NRXN1: variants seen among roughly 807,000 people sequenced by gnomAD.
NRXN1 encodes neurexin 1.
Under a neutral mutation model 150.9 loss-of-function variants are expected in NRXN1, and 39 were observed. The observed-to-expected ratio is 0.26, with a 90% CI of 0.20 to 0.34. The LOEUF (loss-of-function observed/expected upper bound fraction) is 0.34. Ranked by LOEUF, NRXN1 falls within the 10% of genes least tolerant of loss-of-function variation. NRXN1 has a pLI of 1.00. For missense variants in NRXN1, 1,815 were observed against 1,949.9 expected (o/e 0.93, Z 1.30); for synonymous variants, 924 against 757.0 (o/e 1.22, Z -3.62).
intron 17 of NRXN1, among the ~76,000 whole-genome samples, chr2:50,354,468 A>G (rs2078640973): frequency 6.6e-6 from 1 of 150,778 alleles, no homozygotes; most frequent in Admixed American, 6.7e-5. Context: ...ATGAGTCGAC[A>G]AATTTAAAGC....
chr2:50,130,181 A>C (rs1176274437), intron 18 of NRXN1, among the ~76,000 whole-genome samples: 1 of 152,082 alleles, frequency 6.6e-6, no homozygotes, highest in African/African-American at 2.4e-5. Flanking sequence ...TGCAGGAGTA[A>C]AGATTTCTAT....
At chr2:50,136,231 G>A (rs1015887528) in intron 18 of NRXN1, among the ~76,000 whole-genome samples, 1 of 152,082 alleles carries the variant, frequency 6.6e-6, no homozygotes, top group African/African-American at 2.4e-5. Flanking sequence ...AAGTAGTTGA[G>A]CAAGCCTGAC....
At chr2:49,968,052 T>C (rs149319857) in intron 21 of NRXN1, among the ~76,000 whole-genome samples, 1 of 152,026 alleles carries the variant, frequency 6.6e-6, no homozygotes, top group East Asian at 1.9e-4. Flanking sequence ...ATAATTATTA[T>C]TACTTATTCA....
chr2:50,327,250 T>C (rs2076445090), intron 17 of NRXN1, among the ~76,000 whole-genome samples: 1 of 152,108 alleles, frequency 6.6e-6, no homozygotes, highest in Non-Finnish European at 1.5e-5. Flanking sequence ...ATGGATAAAT[T>C]TCAAAAATAT....
At chr2:50,931,138 T>C (rs1345732603) in intron 2 of NRXN1, among the ~76,000 whole-genome samples, 3 of 152,172 alleles carry the variant, frequency 2.0e-5, no homozygotes, top group Non-Finnish European at 2.9e-5. Context: ...ATCATTAAGA[T>C]GAAAAGTAGG....
intron 21 of NRXN1, among the ~76,000 whole-genome samples, chr2:50,005,679 A>T (rs1684646285): frequency 6.6e-6 from 1 of 152,150 alleles, no homozygotes; most frequent in Non-Finnish European, 1.5e-5. Context: ...GAATTAGTCT[A>T]ACCTCTTTTA....
intron 15 of NRXN1, among the ~76,000 whole-genome samples, chr2:50,491,204 G>A (rs1302742728): frequency 1.3e-5 from 2 of 152,102 alleles, no homozygotes; most frequent in African/African-American, 2.4e-5. Context: ...AATAGAATCT[G>A]GTTTACTGAA....
chr2:50,489,302 T>G (rs867640805), intron 15 of NRXN1, among the ~76,000 whole-genome samples: 2 of 152,274 alleles, frequency 1.3e-5, no homozygotes. Context: ...GGTTGGGATC[T>G]TTAAAGTTTC....
intron 5 of NRXN1, among the ~76,000 whole-genome samples, chr2:50,893,629 C>T (rs1424051583): frequency 6.6e-6 from 1 of 152,050 alleles, no homozygotes; most frequent in Non-Finnish European, 1.5e-5. Context: ...TTTATTGAAT[C>T]CAGAAGTTCT....
chr2:50,465,220 C>T lies in NRXN1; in HGVS notation c.3364+222G>A, dbSNP rs1879318. 0.87 allele frequency among the ~76,000 whole-genome samples: 131,808 copies of T among 151,826 alleles called. 57,681 individuals are homozygous for T. Among genetic ancestry groups the T allele is most frequent in the Non-Finnish European group, 0.94 (63,681 of 67,858 alleles). On this transcript the variant is annotated intron_variant, in intron 17 of 22. Coordinates refer to ENST00000401669, the MANE Select transcript of NRXN1 (RefSeq NM_001330078.2). ...GTGATCATTAGTAATTAAAAAATAACAATAAACCCAAAAACCAAAGAATCA... is the reference window on the plus strand; with the variant it reads ...GTGATCATTAGTAATTAAAAAATAATAATAAACCCAAAAACCAAAGAATCA...
intron 15 of NRXN1, among the ~76,000 whole-genome samples, chr2:50,479,352 G>C (rs1408562542): frequency 1.3e-5 from 2 of 151,916 alleles, no homozygotes; most frequent in African/African-American, 4.8e-5. Flanking sequence ...ACTCAACTTG[G>C]GGGACTCAAC....
intron 8 of NRXN1, among the ~76,000 whole-genome samples, chr2:50,559,720 T>C (rs1668771526): frequency 6.6e-6 from 1 of 152,174 alleles, no homozygotes; most frequent in Non-Finnish European, 1.5e-5. Context: ...TTAGAATATA[T>C]GGTATATCTC....
intron 17 of NRXN1, among the ~76,000 whole-genome samples, chr2:50,456,984 G>C (rs898288850): frequency 9.9e-5 from 15 of 152,080 alleles, no homozygotes; most frequent in Admixed American, 9.8e-4. Context: ...TACAGATTGT[G>C]AATCTGATTC....
At chr2:50,355,162 T>C (rs1186026923) in intron 17 of NRXN1, among the ~76,000 whole-genome samples, 2 of 151,552 alleles carry the variant, frequency 1.3e-5, no homozygotes, top group Admixed American at 6.6e-5. Flanking sequence ...GAGAGGAACT[T>C]AATCATGCGA....
chr2:51,012,285 G>C (rs557528254), intron 2 of NRXN1, among the ~76,000 whole-genome samples: 6 of 151,968 alleles, frequency 3.9e-5, no homozygotes, highest in Non-Finnish European at 5.9e-5. Flanking sequence ...GTTTTATTTT[G>C]ATATGGAAGA....
At chr2:50,707,421 A>C (rs1004413230) in intron 5 of NRXN1, among the ~76,000 whole-genome samples, 1 of 152,194 alleles carries the variant, frequency 6.6e-6, no homozygotes, top group Non-Finnish European at 1.5e-5. Context: ...AATGTGAGTT[A>C]TGTTCAGCTG....
At chr2:50,350,634 G>C (rs140801935) in intron 17 of NRXN1, among the ~76,000 whole-genome samples, 2 of 152,166 alleles carry the variant, frequency 1.3e-5, no homozygotes, top group Non-Finnish European at 2.9e-5. Context: ...ACTTTGGAGA[G>C]CGATTTGTAT....
At chr2:50,425,541 G>C (rs2084408268) in intron 17 of NRXN1, among the ~76,000 whole-genome samples, 1 of 152,138 alleles carries the variant, frequency 6.6e-6, no homozygotes, top group African/African-American at 2.4e-5. Context: ...AGGTGGAACA[G>C]CATTTGGTAT....
At chr2:50,293,124 C>T (rs924464083) in intron 17 of NRXN1, among the ~76,000 whole-genome samples, 6 of 152,134 alleles carry the variant, frequency 3.9e-5, no homozygotes, top group Admixed American at 1.3e-4. Context: ...TTCTGGGAAT[C>T]TGCATGATTT....
Sources: gnomAD v4.1 joint callset for allele counts (sites outside exome capture counted in the v4.1 genomes callset) on GRCh38, gnomAD v4.1.1 for gene constraint, MANE v1.5 for transcripts, NCBI Gene and HGNC (gene_info 2026-07-23, HGNC 2026-07-21) for gene names.